ADGRG6: variants seen among roughly 807,000 people sequenced by gnomAD.
ADGRG6 encodes the protein G-protein coupled receptor 126.
Under a neutral mutation model 142.4 loss-of-function variants are expected in ADGRG6, and 84 were observed. That is an observed-to-expected ratio of 0.59 (90% CI 0.49 to 0.71). The LOEUF is 0.71. Ranked by LOEUF, ADGRG6 falls within the 30% of genes least tolerant of loss-of-function variation. ADGRG6 has a pLI of 0.00. For missense variants in ADGRG6, 1,367 were observed against 1,466.6 expected (o/e 0.93, Z 1.11); for synonymous variants, 521 against 520.5 (o/e 1.00, Z -0.01).
At chr6:142,346,891 G>A (rs1779929206) in intron 2 of ADGRG6, among the ~76,000 whole-genome samples, 2 of 151,852 alleles carry the variant, frequency 1.3e-5, no homozygotes, top group Admixed American at 6.6e-5. Flanking sequence ...GGGGGGCTAG[G>A]GGAGGGATAC....
At chr6:142,342,216 T>A (rs768732351) in intron 2 of ADGRG6, among the ~76,000 whole-genome samples, 2 of 151,760 alleles carry the variant, frequency 1.3e-5, no homozygotes, top group Non-Finnish European at 2.9e-5. Context: ...GAAAAAAAAA[T>A]TCTCCAGAGA....
rs183546505 is a variant in ADGRG6 at position 142,324,895 on chromosome 6, T to C, written c.103+15251T>C. Among the ~76,000 whole-genome samples the C allele has an allele frequency of 9.2e-5, 14 of 152,174 alleles. No individual in the cohort carries two copies. The East Asian group carries it at 1.2e-3, about 13-fold the overall frequency. Reference sequence around the variant, plus strand: ...GAAAGTATAGGTACTGCAACGGGAATGAAGTAAAGCCCATTATTAGAAGGG... The same window carrying C: ...GAAAGTATAGGTACTGCAACGGGAACGAAGTAAAGCCCATTATTAGAAGGG... On this transcript the variant is annotated intron_variant, in intron 2 of 24. Coordinates refer to ENST00000367609, the MANE Select transcript of ADGRG6 (RefSeq NM_198569.3).
Position 142,411,324 on chromosome 6 carries a change from C to T in ADGRG6, c.2454C>T (p.Asn818=). Residue 818 remains asparagine (N), a synonymous_variant, in exon 18 of 25, where the codon AAC becomes AAT. Transcript: ENST00000367609. The part of the protein sequence containing the change: ...LNKNKSFGGW[N]TSGCVAHRDS... ...CAACAGAAAGTTTTGGAGGATGGAA[C>T]ACGTCAGGATGTGTTGCACACAGAG... is the stretch of plus-strand genomic sequence containing the variant. 6.2e-7 allele frequency: 1 copy of T among 1,601,380 alleles called. No homozygotes were observed. The highest frequency in any genetic ancestry group is 1.3e-5 in the African/African-American group (1 of 74,744).
At chr6:142,373,472 T>C (rs1351298711) in intron 4 of ADGRG6, among the ~76,000 whole-genome samples, 1 of 152,212 alleles carries the variant, frequency 6.6e-6, no homozygotes, top group East Asian at 1.9e-4. Context: ...ATTCCTAAGC[T>C]TCTCTAAGAA....
rs1780371970 is a variant in ADGRG6 at position 142,354,977 on chromosome 6, A to G, written c.104-12592A>G. On this transcript the variant is annotated intron_variant, in intron 2 of 24. Coordinates refer to ENST00000367609, the MANE Select transcript of ADGRG6 (RefSeq NM_198569.3). ...TTTTGATTTCTTTGAATAGAGATTCAACTCGGATTATCTTAGCGAATAACT... is the reference window on the plus strand; with the variant it reads ...TTTTGATTTCTTTGAATAGAGATTCGACTCGGATTATCTTAGCGAATAACT... Among the ~76,000 whole-genome samples the G allele has an allele frequency of 1.3e-5, 2 of 152,184 alleles. 1 individual carries two copies. The highest frequency in any genetic ancestry group is 4.1e-4 in the South Asian group (2 of 4,824).
intron 7 of ADGRG6, 143 bp downstream of exon 7, chr6:142,390,486 G>T (rs1325822465): frequency 4.2e-6 from 2 of 471,556 alleles, no homozygotes; most frequent in African/African-American, 4.0e-5. Context: ...TGTAAGTGAG[G>T]TGTTGTCCTT....
chr6:142,423,347 G>A (rs1776758651), intron 22 of ADGRG6, among the ~76,000 whole-genome samples: 1 of 151,122 alleles, frequency 6.6e-6, no homozygotes, highest in African/African-American at 2.4e-5. Context: ...TTTGTATAAG[G>A]TGTAAGGAAG....
At chr6:142,363,411 C>T (rs185797632) in intron 2 of ADGRG6, among the ~76,000 whole-genome samples, 3 of 151,942 alleles carry the variant, frequency 2.0e-5, no homozygotes, top group East Asian at 3.9e-4. Flanking sequence ...TAGGCTTTGG[C>T]GTGACTGGAA....
intron 1 of ADGRG6, among the ~76,000 whole-genome samples, chr6:142,305,287 A>G (rs1269825609): frequency 6.6e-6 from 1 of 152,136 alleles, no homozygotes; most frequent in African/African-American, 2.4e-5. Flanking sequence ...TTTTAAATCT[A>G]CAGGACGTTT....
rs762170852 is a variant in ADGRG6 at position 142,367,808 on chromosome 6, G to A, written c.343G>A (p.Ala115Thr). ...ESQTKFCGAT[A>T]KGLSFNSSAN... ...CCAGACTAAATTTTGTGGAGCAACTGCCAAAGGCCTATCATTTAACTCAAG... is the reference window on the plus strand; with the variant it reads ...CCAGACTAAATTTTGTGGAGCAACTACCAAAGGCCTATCATTTAACTCAAG... Residue 115 changes from alanine (A) to threonine (T), a missense_variant, in exon 3 of 25, where the codon GCC (alanine) becomes ACC (threonine). Around this residue, in one of 3 missense-constraint regions of ADGRG6, gnomAD observed 737 missense variants for 746.5 expected, o/e 0.99. Coordinates refer to ENST00000367609, the MANE Select transcript of ADGRG6 (RefSeq NM_198569.3). 3 of 1,613,628 alleles carry A rather than the reference G, an allele frequency of 1.9e-6. No individual in the cohort carries two copies. The highest frequency in any genetic ancestry group is 3.3e-5 in the Admixed American group (2 of 60,004).
At position 142,402,840 on chromosome 6, in the gene ADGRG6, T is replaced by A. The variant is rs764795518; in HGVS notation, c.1955+10T>A. 3.4e-6 allele frequency: 5 copies of A among 1,466,842 alleles called. No homozygotes were observed. Among genetic ancestry groups the A allele is most frequent in the Non-Finnish European group, 4.7e-6 (5 of 1,073,110 alleles). 90.9% of individuals were successfully genotyped at this position (1,466,842 alleles called of 1,614,324 possible). On this transcript the variant is annotated intron_variant, in intron 13 of 24. Coordinates refer to ENST00000367609, the MANE Select transcript of ADGRG6 (RefSeq NM_198569.3). ...TTGAGTCATCTTCTGAGTAAGTATT[T>A]TTTTTTTCCTGGAGAGTAAATTTTA... is the stretch of plus-strand genomic sequence containing the variant.
intron 22 of ADGRG6, among the ~76,000 whole-genome samples, chr6:142,421,000 G>T (rs966899039): frequency 6.6e-6 from 1 of 152,160 alleles, no homozygotes; most frequent in African/African-American, 2.4e-5. Flanking sequence ...TCTTGCAGTT[G>T]TAGATGTCTG....
chr6:142,419,728 A>G (rs1776560400), intron 21 of ADGRG6, 93 bp from the exon 22 acceptor site: 2 of 940,706 alleles, frequency 2.1e-6, no homozygotes, highest in Non-Finnish European at 3.1e-6. Flanking sequence ...TGAGAGGAAA[A>G]TCTGCAGTAG....
At chr6:142,367,500 G>A (rs894895318) in intron 2 of ADGRG6, 69 bp from the exon 3 acceptor site, 4 of 1,007,888 alleles carry the variant, frequency 4.0e-6, no homozygotes, top group Non-Finnish European at 5.9e-6. Flanking sequence ...CCAGTGTGTG[G>A]TATTCTCGGT....
In ADGRG6 at chr6:142,405,952, A is replaced by G. The variant is rs570814636; in HGVS notation, c.2268+124A>G. 7 of 617,058 alleles carry G rather than the reference A, an allele frequency of 1.1e-5. No individual in the cohort carries two copies. The South Asian group carries it at 1.9e-4, about 17-fold the overall frequency. The allele number at this position is 617,058 out of a possible 1,614,324, so 38.2% of individuals were successfully genotyped here. A position where few individuals can be genotyped will look rare whatever the true frequency, so the allele number is the denominator to read the frequency against. ...TTTAGAAAAATTTACTGTGTTTTCA[A>G]AACTGAAAATTTTTAATATAATTGT... On this transcript the variant is annotated intron_variant, in intron 15 of 24. Transcript: ENST00000367609.
At chr6:142,367,307 A>G (rs999775985) in intron 2 of ADGRG6, among the ~76,000 whole-genome samples, 2 of 152,216 alleles carry the variant, frequency 1.3e-5, no homozygotes, top group African/African-American at 4.8e-5. Context: ...GAGAGTTTGT[A>G]TAACAGATTC....
chr6:142,314,437 CAG>C (rs1374483120), intron 2 of ADGRG6, among the ~76,000 whole-genome samples: 1 of 152,054 alleles, frequency 6.6e-6, no homozygotes, highest in African/African-American at 2.4e-5. Context: ...GGTTGGTAAA[CAG>C]AGAATATTTA....
chr6:142,316,396 T>G (rs1778069815), intron 2 of ADGRG6, among the ~76,000 whole-genome samples: 1 of 152,114 alleles, frequency 6.6e-6, no homozygotes, highest in Admixed American at 6.6e-5. Context: ...CTTATTGGTT[T>G]GGGCAAAACT....
chr6:142,350,539 T>C (rs970306641), intron 2 of ADGRG6, among the ~76,000 whole-genome samples: 4 of 152,256 alleles, frequency 2.6e-5, no homozygotes, highest in African/African-American at 9.6e-5. Context: ...TACTCTGCTA[T>C]GGCTTCTTGT....
Sources: allele counts gnomAD v4.1 joint callset (sites outside exome capture counted in the v4.1 genomes callset), GRCh38; gene constraint gnomAD v4.1.1; regional missense constraint gnomAD v4.1.1; transcripts MANE v1.5; gene names NCBI Gene and HGNC (gene_info 2026-07-23, HGNC 2026-07-21).